The following SLC16A10 variants were observed in gnomAD, a reference collection of about 807,000 sequenced individuals.
SLC16A10 encodes monocarboxylate transporter 10.
In SLC16A10, 27 loss-of-function variants were observed where a neutral mutation model predicts 40.0. The observed-to-expected ratio is 0.67, with a 90% CI of 0.50 to 0.93. SLC16A10 has a LOEUF of 0.93. Among genes scored for constraint, SLC16A10 ranks in the 40% least tolerant of loss-of-function variants. The pLI, the probability that SLC16A10 is intolerant of heterozygous loss-of-function variation, is 0.00. For missense variants in SLC16A10, 529 were observed against 658.2 expected (o/e 0.80, Z 2.15); for synonymous variants, 213 against 249.8 (o/e 0.85, Z 1.39).
At chr6:111,142,201 C>T (rs1771995362) in intron 1 of SLC16A10, among the ~76,000 whole-genome samples, 1 of 152,012 alleles carries the variant, frequency 6.6e-6, no homozygotes, top group South Asian at 2.1e-4. Flanking sequence ...AATAGAGAGC[C>T]CAGAAATAGA....
intron 4 of SLC16A10, among the ~76,000 whole-genome samples, chr6:111,211,324 C>A (rs1773343516): frequency 6.6e-6 from 1 of 152,302 alleles, no homozygotes; most frequent in South Asian, 2.1e-4. Context: ...ATTTTTGGAG[C>A]ACATTTTAAT....
intron 1 of SLC16A10, among the ~76,000 whole-genome samples, chr6:111,156,439 A>C (rs976406741): frequency 6.6e-6 from 1 of 152,210 alleles, no homozygotes; most frequent in African/African-American, 2.4e-5. Context: ...TTGATACTGC[A>C]CTGTGTTTCC....
intron 3 of SLC16A10, among the ~76,000 whole-genome samples, chr6:111,202,054 G>A (rs894682557): frequency 6.6e-6 from 1 of 152,214 alleles, no homozygotes; most frequent in Non-Finnish European, 1.5e-5. Flanking sequence ...AGAGGAGAGA[G>A]GCCAAGGCTG....
At chr6:111,088,928 A>G (rs1770924091) in intron 1 of SLC16A10, among the ~76,000 whole-genome samples, 1 of 152,184 alleles carries the variant, frequency 6.6e-6, no homozygotes, top group Admixed American at 6.5e-5. Context: ...TTTATCCTGC[A>G]AGGTGAGCGC....
At chr6:111,128,632 G>A (rs959607731) in intron 1 of SLC16A10, among the ~76,000 whole-genome samples, 1 of 152,144 alleles carries the variant, frequency 6.6e-6, no homozygotes, top group African/African-American at 2.4e-5. Context: ...GATGCAGTAA[G>A]GAAGGCTTTT....
chr6:111,177,689 A>G (rs749699852), intron 3 of SLC16A10, 24 bp downstream of exon 3: 1 of 1,488,632 alleles, frequency 6.7e-7, no homozygotes, highest in Non-Finnish European at 8.9e-7. Flanking sequence ...TTCACTGATC[A>G]TGAATATTAC....
chr6:111,227,486 C>T lies in SLC16A10; in HGVS notation c.*5251C>T, dbSNP rs1236449530. 1 of 152,150 alleles carries T rather than the reference C, an allele frequency of 6.6e-6. No homozygotes were observed. Among genetic ancestry groups the T allele is most frequent in the African/African-American group, 2.4e-5 (1 of 41,426 alleles). 9.4% of individuals were successfully genotyped at this position (152,150 alleles called of 1,614,324 possible). ...ACTCCTCCTGAGACAGTAAAGACTC[C>T]TGGAAAATTCATGACATCTTTGAAT... On this transcript the variant is annotated 3_prime_UTR_variant, in exon 6 of 6. Transcript: ENST00000368851.
intron 1 of SLC16A10, among the ~76,000 whole-genome samples, chr6:111,122,875 C>G (rs1433794286): frequency 6.6e-6 from 1 of 152,222 alleles, no homozygotes; most frequent in Non-Finnish European, 1.5e-5. Flanking sequence ...TAGTTGCTGA[C>G]AGTCACTCAT....
rs1366308165 is a variant in SLC16A10, at chr6:111,206,693, G to T, written c.1044G>T (p.Arg348=). 1 of 1,614,204 alleles carries T rather than the reference G, an allele frequency of 6.2e-7. No individual in the cohort carries two copies. The highest frequency in any genetic ancestry group is 1.7e-5 in the Admixed American group (1 of 60,014). The change falls in exon 4 of 6, where the codon CGG becomes CGT. Residue 348 remains arginine, a synonymous_variant. Coordinates refer to ENST00000368851, the MANE Select transcript of SLC16A10 (RefSeq NM_018593.5). The stretch of plus-strand genomic sequence containing the variant: ...GAGTTGGACGACTGCTCTTTGGCCG[G>T]ATTGCAGATTATGTGCCTGGTGTGA... ...TSGVGRLLFG[R]IADYVPGVKK...
chr6:111,208,377 A>G (rs1293005646), intron 4 of SLC16A10, among the ~76,000 whole-genome samples: 1 of 152,182 alleles, frequency 6.6e-6, no homozygotes, highest in Admixed American at 6.5e-5. Flanking sequence ...CCTGAGGCCA[A>G]GAGTTTGAGA....
intron 1 of SLC16A10, among the ~76,000 whole-genome samples, chr6:111,129,785 A>G (rs967637481): frequency 6.6e-6 from 1 of 152,252 alleles, no homozygotes; most frequent in African/African-American, 2.4e-5. Flanking sequence ...GTGAAAGGCC[A>G]CAGGACAAAG....
Position 111,222,384 on chromosome 6 carries a change from G to T in SLC16A10, c.*149G>T. The T allele has an allele frequency of 9.7e-7, 1 of 1,034,652 alleles. No individual in the cohort carries two copies. Among genetic ancestry groups the T allele is most frequent in the Non-Finnish European group, 1.3e-6 (1 of 763,734 alleles). 64.1% of individuals were successfully genotyped at this position (1,034,652 alleles called of 1,614,324 possible). On this transcript the variant is annotated 3_prime_UTR_variant, in exon 6 of 6. Transcript: ENST00000368851. ...GGAAATAGAACCCTTATCACTAGAAGAACCATTTTCTGCCACTAAATATCT... is the reference window on the plus strand; with the variant it reads ...GGAAATAGAACCCTTATCACTAGAATAACCATTTTCTGCCACTAAATATCT...
chr6:111,118,881 T>G (rs1230110315), intron 1 of SLC16A10, among the ~76,000 whole-genome samples: 2 of 152,054 alleles, frequency 1.3e-5, no homozygotes, highest in Non-Finnish European at 2.9e-5. Context: ...ATTCAGAAGA[T>G]TTTGCAGGAT....
chr6:111,180,890 G>A (rs1444549745), intron 3 of SLC16A10, among the ~76,000 whole-genome samples: 1 of 152,184 alleles, frequency 6.6e-6, no homozygotes, highest in East Asian at 1.9e-4. Flanking sequence ...GTACTTTTAT[G>A]TAAGAGGCAG....
rs12662599 is a variant in SLC16A10, at chr6:111,171,748, C to T, written c.344-947C>T. The stretch of plus-strand genomic sequence containing the variant: ...GGAAATTTGCTTGAGCCTGGGCTGT[C>T]GAGATCACAGTGAGCTGAGATTGCA... On this transcript the variant is annotated intron_variant, in intron 1 of 5. Coordinates refer to ENST00000368851, the MANE Select transcript of SLC16A10 (RefSeq NM_018593.5). Among the ~76,000 whole-genome samples the T allele has an allele frequency of 2.1e-3, 306 of 144,038 alleles. 2 individuals carry two copies. Among genetic ancestry groups the T allele is most frequent in the East Asian group, 0.016 (76 of 4,894 alleles). The allele number at this position is 144,038 out of a possible 152,430, so 94.5% of individuals were successfully genotyped here.
At chr6:111,178,793 A>G (rs1180478813) in intron 3 of SLC16A10, 1 of 200,606 alleles carries the variant, frequency 5.0e-6, no homozygotes, top group Non-Finnish European at 1.0e-5. Flanking sequence ...TAGTTAAGAA[A>G]TAAGTATAAA....
chr6:111,153,504 A>G (rs962951152), intron 1 of SLC16A10, among the ~76,000 whole-genome samples: 2 of 151,946 alleles, frequency 1.3e-5, no homozygotes, highest in Non-Finnish European at 2.9e-5. Context: ...CACTACACAC[A>G]GCCTGGGCAA....
chr6:111,222,161 A>G lies in SLC16A10; in HGVS notation c.1474A>G (p.Met492Val), dbSNP rs577347196. Residue 492 changes from methionine (M) to valine (V), a missense_variant, in exon 6 of 6, where the codon ATG becomes GTG. Transcript: ENST00000368851. The stretch of plus-strand genomic sequence containing the variant: ...CACTGGAAAAGAAAAGATGGAGAAA[A>G]TGTTGGAAAACCAGAACTCTCTGCT... The part of the protein sequence containing the change: ...KTTGKEKMEK[M>V]LENQNSLLSS... 5 of 1,607,512 alleles carry G rather than the reference A, an allele frequency of 3.1e-6. No homozygotes were observed. The South Asian group carries it at 4.5e-5, about 14-fold the overall frequency.
At chr6:111,206,552 C>T (rs1773257578) in intron 3 of SLC16A10, 40 bp from the exon 4 acceptor site, 1 of 1,609,210 alleles carries the variant, frequency 6.2e-7, no homozygotes, top group South Asian at 1.1e-5. Context: ...TCAAGTTTTT[C>T]TACCATATTC....
Sources: allele counts gnomAD v4.1 joint callset (sites outside exome capture counted in the v4.1 genomes callset), GRCh38; gene constraint gnomAD v4.1.1; transcripts MANE v1.5; gene names NCBI Gene and HGNC (gene_info 2026-07-23, HGNC 2026-07-21).